The following GLRA1 variants were observed in gnomAD, a reference collection of about 807,000 sequenced individuals.
The protein encoded by GLRA1 is glycine receptor alpha 1.
In GLRA1, 37 loss-of-function variants were observed where a neutral mutation model predicts 48.3. That is an observed-to-expected ratio of 0.77 (90% CI 0.59 to 1.01). GLRA1 has a LOEUF of 1.01. GLRA1 is among the 50% of genes least tolerant of loss of function. The probability of loss-of-function intolerance (pLI) is 0.00; values close to 1 mark genes in which losing one functional copy is unlikely to be tolerated. For synonymous variants in GLRA1, 196 were observed against 210.7 expected (o/e 0.93, Z 0.60); for missense variants, 427 against 571.0 (o/e 0.75, Z 2.57).
chr5:151,898,936 A>T (rs1754294134), intron 1 of GLRA1, among the ~76,000 whole-genome samples: 1 of 152,188 alleles, frequency 6.6e-6, no homozygotes, highest in Non-Finnish European at 1.5e-5. Context: ...CTGGAAAAAT[A>T]TAGGAGGAAG....
At chr5:151,856,553 T>C (rs1280390360) in intron 4 of GLRA1, among the ~76,000 whole-genome samples, 170 bp from the exon 5 acceptor site, 3 of 152,188 alleles carry the variant, frequency 2.0e-5, no homozygotes, top group African/African-American at 7.2e-5. Flanking sequence ...AGATCTCTCT[T>C]TGTGGCCCAG....
In GLRA1 at chr5:151,924,801, A is replaced by G. The variant is rs917441830; in HGVS notation, c.-252T>C. On this transcript the variant is annotated 5_prime_UTR_variant, in exon 1 of 9. Transcript: ENST00000274576. The stretch of plus-strand genomic sequence containing the variant: ...AGACCTGCTTTTCAGGAGCGCGAAG[A>G]GTATTGCTGTTTGTTAAACTCCAGC... The G allele has an allele frequency of 2.2e-5, 12 of 555,598 alleles. No individual in the cohort carries two copies. The highest frequency in any genetic ancestry group is 9.7e-5 in the African/African-American group (5 of 51,750). 34.4% of individuals were successfully genotyped at this position (555,598 alleles called of 1,614,324 possible).
chr5:151,858,263 C>T (rs1753100290), intron 4 of GLRA1, among the ~76,000 whole-genome samples: 2 of 151,954 alleles, frequency 1.3e-5, no homozygotes, highest in African/African-American at 4.8e-5. Flanking sequence ...GAAGAAGAGG[C>T]AAAAGAAGGG....
rs532075597 is a variant in GLRA1 at position 151,855,633 on chromosome 5, T to C, written c.560-456A>G. Among the ~76,000 whole-genome samples, 98 of 152,208 alleles carry C rather than the reference T, an allele frequency of 6.4e-4. 1 individual carries two copies. Among genetic ancestry groups the C allele is most frequent in the Admixed American group, 2.5e-3 (38 of 15,282 alleles). On this transcript the variant is annotated intron_variant, in intron 5 of 8. Coordinates refer to ENST00000274576, the MANE Select transcript of GLRA1 (RefSeq NM_000171.4). Reference sequence around the variant, plus strand: ...CTGTGCCCCAGCACTTCAGCAACTATTGAGTGAAGTAACAAGAGGTTCAGA... The same window carrying C: ...CTGTGCCCCAGCACTTCAGCAACTACTGAGTGAAGTAACAAGAGGTTCAGA...
At chr5:151,898,676 A>G (rs1754285522) in intron 1 of GLRA1, among the ~76,000 whole-genome samples, 1 of 152,108 alleles carries the variant, frequency 6.6e-6, no homozygotes. Flanking sequence ...TAACCAAAGG[A>G]AGGACCTATA....
intron 3 of GLRA1, among the ~76,000 whole-genome samples, chr5:151,882,458 T>C (rs1753784240): frequency 6.6e-6 from 1 of 152,204 alleles, no homozygotes; most frequent in African/African-American, 2.4e-5. Context: ...TTCTTGTTAT[T>C]ATACTAATAG....
intron 3 of GLRA1, among the ~76,000 whole-genome samples, chr5:151,877,039 AC>A (rs1294952007): frequency 1.3e-5 from 2 of 152,128 alleles, no homozygotes; most frequent in Non-Finnish European, 2.9e-5. Context: ...CTAGAGACCA[AC>A]TCTGGTGGCA....
intron 3 of GLRA1, among the ~76,000 whole-genome samples, chr5:151,862,706 G>A (rs936779434): frequency 6.6e-6 from 1 of 152,250 alleles, no homozygotes; most frequent in Non-Finnish European, 1.5e-5. Flanking sequence ...ATATGCTGAT[G>A]AGTTGTGTGC....
At position 151,918,892 on chromosome 5, in the gene GLRA1, T is replaced by TA. The variant is rs755137904; in HGVS notation, c.56+5601dup. 3.9e-4 allele frequency among the ~76,000 whole-genome samples: 60 copies of TA among 152,102 alleles called. No individual in the cohort carries two copies. In the East Asian group the frequency reaches 4.8e-3, roughly 12 times the overall value. ...TGAGTCCAAATTTGTAAGAGTGCAT[T>TA]AAAAAAAATCTATGAATCTATGAAT... On this transcript the variant is annotated intron_variant, in intron 1 of 8. Transcript: ENST00000274576.
intron 7 of GLRA1, among the ~76,000 whole-genome samples, chr5:151,835,309 A>G (rs533546152): frequency 3.9e-5 from 6 of 152,300 alleles, no homozygotes; most frequent in Non-Finnish European, 7.3e-5. Context: ...AAAGCCCAGG[A>G]CCAGAAGGAT....
intron 2 of GLRA1, among the ~76,000 whole-genome samples, chr5:151,890,389 C>T (rs1219601555): frequency 6.6e-6 from 1 of 152,196 alleles, no homozygotes; most frequent in Non-Finnish European, 1.5e-5. Flanking sequence ...AGACCATGGC[C>T]CCTCCACTCA....
Position 151,924,682 on chromosome 5 carries a change from G to T in GLRA1, c.-133C>A. On this transcript the variant is annotated 5_prime_UTR_variant, in exon 1 of 9. Transcript: ENST00000274576. ...AAAGGGAGGCGGGGAACAGGGGCGC[G>T]GAGGGAGAGCCCCAGGGGAAATTGG... 1 of 746,870 alleles carries T rather than the reference G, an allele frequency of 1.3e-6. No individual in the cohort carries two copies. Among genetic ancestry groups the T allele is most frequent in the Non-Finnish European group, 2.5e-6 (1 of 406,038 alleles). The allele number at this position is 746,870 out of a possible 1,614,324, so 46.3% of individuals were successfully genotyped here.
At chr5:151,872,576 A>G (rs1484448284) in intron 3 of GLRA1, among the ~76,000 whole-genome samples, 2 of 149,872 alleles carry the variant, frequency 1.3e-5, no homozygotes, top group African/African-American at 2.6e-5. Context: ...ACAGAGGGTT[A>G]TGCACAAGAA....
chr5:151,879,102 A>G (rs1239488663), intron 3 of GLRA1, among the ~76,000 whole-genome samples: 1 of 152,262 alleles, frequency 6.6e-6, no homozygotes, highest in Non-Finnish European at 1.5e-5. Context: ...CCACAGGGGC[A>G]TAGCTGCCCA....
chr5:151,869,862 A>G (rs1753432824), intron 3 of GLRA1, among the ~76,000 whole-genome samples: 1 of 149,820 alleles, frequency 6.7e-6, no homozygotes. Flanking sequence ...TTCTTGCCCA[A>G]GATCACATAG....
chr5:151,858,076 T>G (rs991536679), intron 4 of GLRA1, among the ~76,000 whole-genome samples: 2 of 152,216 alleles, frequency 1.3e-5, no homozygotes, highest in South Asian at 4.1e-4. Context: ...CCCAATACCC[T>G]AAGATACCTA....
At chr5:151,844,621 C>CAAAAAAAAAAAAAAAAA (rs202218874) in intron 7 of GLRA1, among the ~76,000 whole-genome samples, 3 of 49,680 alleles carry the variant, frequency 6.0e-5, no homozygotes, top group South Asian at 1.1e-3. Context: ...TACTCTATCT[C>CAAAAAAAAAAAAAAAAA]AAAAAAAAAA....
intron 3 of GLRA1, among the ~76,000 whole-genome samples, chr5:151,885,342 A>G (rs1480415952): frequency 2.0e-5 from 3 of 152,384 alleles, no homozygotes; most frequent in Non-Finnish European, 2.9e-5. Context: ...AACTTACAGT[A>G]TAGTGACAGG....
chr5:151,859,857 TG>T lies in GLRA1; in HGVS notation c.403del (p.His135ThrfsTer12), dbSNP rs1581623798. The T allele has an allele frequency of 6.2e-6, 10 of 1,613,990 alleles. No individual in the cohort carries two copies. Among genetic ancestry groups the T allele is most frequent in the Non-Finnish European group, 7.6e-6 (9 of 1,179,998 alleles). ...GTTGTCTGTGGTGATCTCATGGAAG[TG>T]GGCCCCCTTCTCGTTGGCAAAGAAC... The part of the protein sequence containing the change: ...DLFFANEKGA[H>X]FHEITTDNKL... On this transcript the variant is annotated frameshift_variant, in exon 4 of 9. Transcript: ENST00000274576. LOFTEE classifies it high-confidence loss of function.
Sources: gnomAD v4.1 joint callset for allele counts (sites outside exome capture counted in the v4.1 genomes callset) on GRCh38, gnomAD v4.1.1 for gene constraint, MANE v1.5 for transcripts, NCBI Gene and HGNC (gene_info 2026-07-23, HGNC 2026-07-21) for gene names.